CTNNA2: variants seen among roughly 807,000 people sequenced by gnomAD.
The protein encoded by CTNNA2 is catenin alpha-2.
In CTNNA2, 42 loss-of-function variants were observed where a neutral mutation model predicts 101.0. The ratio of observed to expected loss-of-function variants is 0.42; its 90% confidence interval spans 0.32 to 0.54. The LOEUF is 0.54. Ranked by LOEUF, CTNNA2 falls within the 20% of genes least tolerant of loss-of-function variation. The pLI, the probability that CTNNA2 is intolerant of heterozygous loss-of-function variation, is 0.14. For synonymous variants in CTNNA2, 450 were observed against 456.4 expected, an observed-to-expected ratio of 0.99 and a Z score of 0.18; for missense variants, 871 against 1,223.1, an observed-to-expected ratio of 0.71 and a Z score of 4.29.
intron 14 of CTNNA2, among the ~76,000 whole-genome samples, chr2:80,585,691 G>C (rs1286739184): frequency 1.3e-5 from 2 of 152,056 alleles, no homozygotes; most frequent in Non-Finnish European, 2.9e-5. Context: ...TCAAACTGCT[G>C]AGTTACATTG....
intron 9 of CTNNA2, among the ~76,000 whole-genome samples, chr2:80,533,067 T>A (rs1266647757): frequency 6.6e-6 from 1 of 152,058 alleles, no homozygotes; most frequent in Non-Finnish European, 1.5e-5. Context: ...ATGTGGAAAT[T>A]TAGTTGAAGA....
At chr2:79,710,553 G>A (rs973769205) in intron 2 of CTNNA2, among the ~76,000 whole-genome samples, 4 of 152,164 alleles carry the variant, frequency 2.6e-5, no homozygotes, top group East Asian at 1.9e-4. Context: ...TGGGAGACAC[G>A]TTATACCTGG....
intron 1 of CTNNA2, among the ~76,000 whole-genome samples, chr2:79,583,447 T>C (rs2103919821): frequency 6.6e-6 from 1 of 152,110 alleles, no homozygotes; most frequent in South Asian, 2.1e-4. Context: ...ATATATTCAG[T>C]GTGTTTCAGT....
intron 3 of CTNNA2, among the ~76,000 whole-genome samples, chr2:79,338,698 A>AT (rs1315062673): frequency 6.6e-6 from 1 of 151,410 alleles, no homozygotes; most frequent in Non-Finnish European, 1.5e-5. Context: ...AGGGCAAAAT[A>AT]TAATAATGGA....
At chr2:79,513,862 C>T (rs560914327) in intron 1 of CTNNA2, among the ~76,000 whole-genome samples, 3 of 152,166 alleles carry the variant, frequency 2.0e-5, no homozygotes, top group African/African-American at 7.2e-5. Flanking sequence ...TAAAATCCAG[C>T]CTTCCCTGCT....
intron 4 of CTNNA2, among the ~76,000 whole-genome samples, chr2:79,382,286 C>G (rs1190583159): frequency 6.6e-6 from 1 of 152,018 alleles, no homozygotes; most frequent in African/African-American, 2.4e-5. Context: ...CCCCCACTGG[C>G]TTTCCTGAGC....
intron 2 of CTNNA2, among the ~76,000 whole-genome samples, chr2:79,295,071 G>A (rs1675946849): frequency 6.6e-6 from 1 of 151,950 alleles, no homozygotes; most frequent in Non-Finnish European, 1.5e-5. Context: ...CATGCAAATT[G>A]CTACATGGCT....
chr2:80,435,544 A>C (rs1048203787), intron 9 of CTNNA2, among the ~76,000 whole-genome samples: 1 of 152,204 alleles, frequency 6.6e-6, no homozygotes, highest in Non-Finnish European at 1.5e-5. Context: ...GGATTCTCCC[A>C]CTGATTTCTT....
At chr2:79,846,591 G>T (rs1680249091) in intron 3 of CTNNA2, among the ~76,000 whole-genome samples, 1 of 152,206 alleles carries the variant, frequency 6.6e-6, no homozygotes, top group South Asian at 2.1e-4. Flanking sequence ...ACAGTAAGTT[G>T]TGAATTTGTG....
chr2:79,970,834 G>T (rs1197549506), intron 7 of CTNNA2, among the ~76,000 whole-genome samples: 1 of 152,112 alleles, frequency 6.6e-6, no homozygotes, highest in Non-Finnish European at 1.5e-5. Flanking sequence ...CACACTCAGA[G>T]GGGGAGACCT....
At chr2:79,414,369 G>T (rs1678453016) in intron 4 of CTNNA2, among the ~76,000 whole-genome samples, 1 of 151,872 alleles carries the variant, frequency 6.6e-6, no homozygotes, top group African/African-American at 2.4e-5. Flanking sequence ...AAAAAACGAG[G>T]AGTAATGAGA....
rs1297862031 is a variant in CTNNA2 at position 80,303,257 on chromosome 2, T to G, written c.1057-89954T>G. ...CTGATTGTATCCGATGTCGAGAAACTTGAGGCTGCGGCAGTCCTGGAAGAT... is the reference window on the plus strand; with the variant it reads ...CTGATTGTATCCGATGTCGAGAAACGTGAGGCTGCGGCAGTCCTGGAAGAT... On this transcript the variant is annotated intron_variant, in intron 7 of 18. Coordinates refer to ENST00000402739, the MANE Select transcript of CTNNA2 (RefSeq NM_001282597.3). This position sits in a 1 kb window ranked among gnomAD's most constrained non-coding sequence, Gnocchi z 7.7. 2.5e-6 allele frequency: 4 copies of G among 1,613,506 alleles called. No individual in the cohort carries two copies. The African/African-American group carries it at 5.3e-5, about 22-fold the overall frequency.
intron 3 of CTNNA2, among the ~76,000 whole-genome samples, chr2:79,783,190 T>G (rs1674585566): frequency 6.6e-6 from 1 of 152,162 alleles, no homozygotes; most frequent in Non-Finnish European, 1.5e-5. Context: ...ATCATAGGTC[T>G]GCCAGAGGCT....
At chr2:79,277,068 G>C (rs1675230110) in intron 2 of CTNNA2, among the ~76,000 whole-genome samples, 2 of 151,980 alleles carry the variant, frequency 1.3e-5, no homozygotes, top group African/African-American at 4.8e-5. Context: ...TCAGACCAGA[G>C]AGCCATGGAG....
chr2:79,289,147 T>C lies in CTNNA2; in HGVS notation c.-405-23562T>C, dbSNP rs1402908918. Reference sequence around the variant, plus strand: ...TCCAAATTGGGCCTTTGCCTCTCAGTGATTTGTCATTATTGTCTTTGTGAT... The same window carrying C: ...TCCAAATTGGGCCTTTGCCTCTCAGCGATTTGTCATTATTGTCTTTGTGAT... On this transcript the variant is annotated intron_variant, in intron 2 of 21. Transcript: ENST00000466387. Among the ~76,000 whole-genome samples, 30 of 152,136 alleles carry C rather than the reference T, an allele frequency of 2.0e-4. 2 individuals carry two copies. Among genetic ancestry groups the C allele is most frequent in the Non-Finnish European group, 5.9e-5 (4 of 68,026 alleles).
Position 80,017,476 on chromosome 2 carries a change from G to GTGTGTATATATATGTATATA in CTNNA2, c.1056+107703_1056+107722dup, listed in dbSNP as rs1026268754. On this transcript the variant is annotated intron_variant, in intron 7 of 18. Coordinates refer to ENST00000402739, the MANE Select transcript of CTNNA2 (RefSeq NM_001282597.3). Reference sequence around the variant, plus strand: ...TATATATGTATATATGTGTATATATGTGTGTATATATATGTATATATGTGT... The same window carrying GTGTGTATATATATGTATATA: ...TATATATGTATATATGTGTATATATGTGTGTATATATATGTATATATGTGTATATATATGTATATATGTGT... 1.0e-3 allele frequency among the ~76,000 whole-genome samples: 154 copies of GTGTGTATATATATGTATATA among 151,272 alleles called. 1 individual carries two copies. The highest frequency in any genetic ancestry group is 1.5e-3 in the Non-Finnish European group (104 of 67,942).
intron 16 of CTNNA2, chr2:80,605,636 C>T (rs7576927): frequency 0.025 from 3,792 of 151,962 alleles, 79 homozygotes; most frequent in Middle Eastern, 0.044. Context: ...ATCCTTCATT[C>T]AAGTCAATAC....
At chr2:79,188,376 T>A (rs1226067757) in intron 1 of CTNNA2, among the ~76,000 whole-genome samples, 1 of 152,210 alleles carries the variant, frequency 6.6e-6, no homozygotes, top group Non-Finnish European at 1.5e-5. Context: ...CTTGCTTTGA[T>A]TCTCATCATT....
chr2:79,761,009 A>G (rs1672752511), intron 3 of CTNNA2, among the ~76,000 whole-genome samples: 1 of 152,230 alleles, frequency 6.6e-6, no homozygotes, highest in Non-Finnish European at 1.5e-5. Context: ...TTTGCCAAAT[A>G]TTAATGCCAG....
Sources: gnomAD v4.1 joint callset for allele counts (sites outside exome capture counted in the v4.1 genomes callset) on GRCh38, gnomAD v4.1.1 for gene constraint, Gnocchi (gnomAD v3.1) non-coding constraint, MANE v1.5 for transcripts, NCBI Gene and HGNC (gene_info 2026-07-23, HGNC 2026-07-21) for gene names.